PRORP: variants seen among roughly 807,000 people sequenced by gnomAD.
PRORP encodes protein only RNase P catalytic subunit, also known as mitochondrial ribonuclease P catalytic subunit.
Under a neutral mutation model 59.4 loss-of-function variants are expected in PRORP, and 51 were observed. That is an observed-to-expected ratio of 0.86 (90% CI 0.69 to 1.08). The LOEUF is 1.08. PRORP is among the 50% of genes least tolerant of loss of function. The probability of loss-of-function intolerance (pLI) is 0.00; values close to 1 mark genes in which losing one functional copy is unlikely to be tolerated. For synonymous variants in PRORP, 231 were observed against 245.6 expected, an observed-to-expected ratio of 0.94 and a Z score of 0.55; for missense variants, 646 against 690.3, an observed-to-expected ratio of 0.94 and a Z score of 0.72.
intron 4 of PRORP, among the ~76,000 whole-genome samples, chr14:35,178,836 C>T (rs181441492): frequency 1.4e-3 from 212 of 152,278 alleles, no homozygotes; most frequent in African/African-American, 4.6e-3. Flanking sequence ...TTCCTAGCAT[C>T]GATGGTCTTT....
Position 35,229,877 on chromosome 14 carries a change from C to T in PRORP, c.1276-36850C>T, listed in dbSNP as rs61989548. Among the ~76,000 whole-genome samples, 214 of 152,024 alleles carry T rather than the reference C, an allele frequency of 1.4e-3. 1 individual carries two copies. Among genetic ancestry groups the T allele is most frequent in the Admixed American group, 2.6e-3 (40 of 15,266 alleles). On this transcript the variant is annotated intron_variant, in intron 5 of 7. Transcript: ENST00000534898. ...TTTCTTTCACCATCGCCTGACCTCC[C>T]TAGACCCCACTTTTGTTTCAGAAAT...
chr14:35,237,090 CTCTCTCTCTCTT>C (rs1247921502), intron 5 of PRORP, among the ~76,000 whole-genome samples: 3 of 116,716 alleles, frequency 2.6e-5, no homozygotes, highest in Non-Finnish European at 6.0e-5. Flanking sequence ...TTCCTTCTCT[CTCTCTCTCTCTT>C]TCTCTCTCTC....
At chr14:35,186,168 G>A (rs147613433) in intron 5 of PRORP, among the ~76,000 whole-genome samples, 3 of 52,694 alleles carry the variant, frequency 5.7e-5, no homozygotes, top group African/African-American at 2.3e-4. Context: ...TTTTTTTTTT[G>A]TGGAGACGGG....
At position 35,275,690 on chromosome 14, in the gene PRORP, G is replaced by A. The variant is rs1386637053; in HGVS notation, c.*2124G>A. Reference sequence around the variant, plus strand: ...AGAGATAGAGGAGGAGGCCGAAGTGGTGGCTCATACCTGTTAATTCCAGCA... The same window carrying A: ...AGAGATAGAGGAGGAGGCCGAAGTGATGGCTCATACCTGTTAATTCCAGCA... On this transcript the variant is annotated 3_prime_UTR_variant, in exon 8 of 8. Transcript: ENST00000534898. 3 of 152,138 alleles carry A rather than the reference G, an allele frequency of 2.0e-5. No homozygotes were observed. The highest frequency in any genetic ancestry group is 4.4e-5 in the Non-Finnish European group (3 of 68,058). 9.4% of individuals were successfully genotyped at this position (152,138 alleles called of 1,614,324 possible).
intron 4 of PRORP, among the ~76,000 whole-genome samples, chr14:35,152,575 C>G (rs1427039338): frequency 1.3e-5 from 2 of 151,098 alleles, no homozygotes; most frequent in Non-Finnish European, 1.5e-5. Flanking sequence ...CACCTCCCTC[C>G]CGGACGGGGC....
chr14:35,152,833 G>A (rs1019459642), intron 4 of PRORP, among the ~76,000 whole-genome samples: 2 of 151,972 alleles, frequency 1.3e-5, no homozygotes, highest in Non-Finnish European at 2.9e-5. Flanking sequence ...TCAGACGGTG[G>A]GCGGCCGGAC....
intron 4 of PRORP, among the ~76,000 whole-genome samples, chr14:35,134,316 G>A (rs916919851): frequency 3.3e-5 from 5 of 152,162 alleles, no homozygotes; most frequent in African/African-American, 9.7e-5. Flanking sequence ...TCATAAGGCC[G>A]AAAGGCTCTT....
chr14:35,145,677 G>A lies in PRORP; in HGVS notation c.1167+18066G>A, dbSNP rs879512154. On this transcript the variant is annotated intron_variant, in intron 4 of 7. Coordinates refer to ENST00000534898, the MANE Select transcript of PRORP (RefSeq NM_014672.4). The stretch of plus-strand genomic sequence containing the variant: ...GGAGGTTGCAGTGAGCTGAGATCGC[G>A]CCACTGCACTCCAGCCTGGCGACAG... Among the ~76,000 whole-genome samples, 6 of 139,900 alleles carry A rather than the reference G, an allele frequency of 4.3e-5. 1 individual carries two copies. Among genetic ancestry groups the A allele is most frequent in the African/African-American group, 1.5e-4 (6 of 40,278 alleles). The allele number at this position is 139,900 out of a possible 152,430, so 91.8% of individuals were successfully genotyped here. A position where few individuals can be genotyped will look rare whatever the true frequency, so the allele number is the denominator to read the frequency against.
intron 4 of PRORP, among the ~76,000 whole-genome samples, chr14:35,145,989 C>T (rs1439710939): frequency 3.3e-5 from 5 of 151,578 alleles, no homozygotes; most frequent in Non-Finnish European, 7.4e-5. Context: ...CCACCACACC[C>T]GGCTAATTTT....
intron 5 of PRORP, among the ~76,000 whole-genome samples, chr14:35,261,855 G>C (rs575516367): frequency 6.6e-6 from 1 of 152,272 alleles, no homozygotes; most frequent in South Asian, 2.1e-4. Flanking sequence ...TTCAGGCCAG[G>C]GCTTTTATGC....
At chr14:35,121,944 C>T (rs2046918317), upstream of PRORP, 1 of 1,614,026 alleles carries the variant, frequency 6.2e-7, no homozygotes, top group African/African-American at 1.3e-5. Context: ...CGACGAAGAA[C>T]TTCTTTCCAG....
chr14:35,122,020 G>A, upstream of PRORP: 1 of 1,588,756 alleles, frequency 6.3e-7, no homozygotes, highest in Non-Finnish European at 8.6e-7. Flanking sequence ...ACCCCTACCA[G>A]CTCAGGCGTC....
At chr14:35,238,752 T>G (rs185993021) in intron 5 of PRORP, among the ~76,000 whole-genome samples, 30 of 152,300 alleles carry the variant, frequency 2.0e-4, no homozygotes, top group Non-Finnish European at 4.3e-4. Flanking sequence ...TCTCTGCATT[T>G]TATCTGAAGG....
intron 4 of PRORP, among the ~76,000 whole-genome samples, chr14:35,140,248 G>A (rs531842623): frequency 9.9e-5 from 14 of 141,762 alleles, no homozygotes; most frequent in South Asian, 4.6e-4. Context: ...TGTGTGTGTC[G>A]CTTTTTCAGA....
intron 4 of PRORP, among the ~76,000 whole-genome samples, chr14:35,153,131 C>T (rs2047820344): frequency 6.6e-6 from 1 of 152,260 alleles, no homozygotes; most frequent in African/African-American, 2.4e-5. Context: ...GACTCCGTCT[C>T]AATCCCGGCA....
chr14:35,130,476 G>A (rs888292665), intron 4 of PRORP, among the ~76,000 whole-genome samples: 2 of 138,770 alleles, frequency 1.4e-5, no homozygotes, highest in African/African-American at 5.5e-5. Context: ...GCTCATTAAT[G>A]TCCTTTTCTT....
At chr14:35,211,968 A>G (rs961322416) in intron 5 of PRORP, among the ~76,000 whole-genome samples, 4 of 152,354 alleles carry the variant, frequency 2.6e-5, no homozygotes, top group East Asian at 3.9e-4. Flanking sequence ...CACTTGCTGT[A>G]TCAACTAAAC....
At chr14:35,173,322 A>AT (rs1256500400) in intron 4 of PRORP, among the ~76,000 whole-genome samples, 1 of 152,100 alleles carries the variant, frequency 6.6e-6, no homozygotes, top group Non-Finnish European at 1.5e-5. Context: ...GAAATTATTG[A>AT]TTTTTTGCTA....
chr14:35,165,908 G>A, intron 4 of PRORP, among the ~76,000 whole-genome samples: 1 of 152,036 alleles, frequency 6.6e-6, no homozygotes. Flanking sequence ...TTGAACTCCT[G>A]GCCTCAATGG....
Sources: gnomAD v4.1 joint callset for allele counts (sites outside exome capture counted in the v4.1 genomes callset) on GRCh38, gnomAD v4.1.1 for gene constraint, MANE v1.5 for transcripts, NCBI Gene and HGNC (gene_info 2026-07-23, HGNC 2026-07-21) for gene names.